Variants in ZCWPW2 observed in about 807,000 individuals in gnomAD.
The protein encoded by ZCWPW2 is zinc finger CW-type PWWP domain protein 2.
ZCWPW2 carries 45 observed loss-of-function variants against 46.6 expected under a neutral mutation model. The ratio of observed to expected loss-of-function variants is 0.96; its 90% CI spans 0.76 to 1.24. The LOEUF is 1.24. Among genes scored for constraint, ZCWPW2 ranks in the 50% most tolerant of loss-of-function variants. The pLI is 0.00. For synonymous variants in ZCWPW2, 152 were observed against 137.1 expected (o/e 1.11, Z -0.76); for missense variants, 429 against 403.9 (o/e 1.06, Z -0.53).
At chr3:28,466,155 G>A (rs1214727118) in intron 4 of ZCWPW2, among the ~76,000 whole-genome samples, 1 of 152,142 alleles carries the variant, frequency 6.6e-6, no homozygotes, top group African/African-American at 2.4e-5. Context: ...GATAGGAACA[G>A]TAGACACCAG....
intron 4 of ZCWPW2, among the ~76,000 whole-genome samples, chr3:28,477,786 TAATAA>T (rs1471878809): frequency 6.6e-6 from 1 of 152,142 alleles, no homozygotes; most frequent in African/African-American, 2.4e-5. Context: ...AATTATAGGT[TAATAA>T]AATAAATAGC....
At chr3:28,357,075 A>G (rs1242232846) in intron 1 of ZCWPW2, among the ~76,000 whole-genome samples, 1 of 96,558 alleles carries the variant, frequency 1.0e-5, no homozygotes, top group Non-Finnish European at 2.7e-5. Flanking sequence ...GCCTATAAAG[A>G]AAAAAAAATC....
At chr3:28,391,261 A>C (rs987026915) in intron 2 of ZCWPW2, among the ~76,000 whole-genome samples, 2 of 152,164 alleles carry the variant, frequency 1.3e-5, no homozygotes, top group Non-Finnish European at 2.9e-5. Flanking sequence ...ATGGTTAAAA[A>C]GAACATAGAA....
intron 8 of ZCWPW2, among the ~76,000 whole-genome samples, chr3:28,520,528 C>A (rs1700695412): frequency 6.6e-6 from 1 of 152,060 alleles, no homozygotes; most frequent in South Asian, 2.1e-4. Flanking sequence ...TGGAACATAG[C>A]CACTCTCATT....
chr3:28,512,750 A>G (rs183964538), intron 6 of ZCWPW2, among the ~76,000 whole-genome samples: 3 of 152,064 alleles, frequency 2.0e-5, no homozygotes, highest in Admixed American at 6.6e-5. Context: ...TTTAAATTCA[A>G]TGACTTGACT....
At chr3:28,512,006 A>G (rs186352251) in intron 6 of ZCWPW2, among the ~76,000 whole-genome samples, 30 of 152,266 alleles carry the variant, frequency 2.0e-4, no homozygotes, top group Non-Finnish European at 3.5e-4. Context: ...ACTCCTCAGT[A>G]TCAACAAACA....
chr3:28,487,079 A>G (rs1007591772), intron 5 of ZCWPW2, among the ~76,000 whole-genome samples: 1 of 151,786 alleles, frequency 6.6e-6, no homozygotes, highest in Non-Finnish European at 1.5e-5. Flanking sequence ...TTTGAATATG[A>G]TATGTAGATT....
At chr3:28,352,528 T>C (rs1704591243) in intron 1 of ZCWPW2, among the ~76,000 whole-genome samples, 2 of 152,186 alleles carry the variant, frequency 1.3e-5, no homozygotes, top group South Asian at 4.1e-4. Context: ...TAAATGACTG[T>C]GATGAATGAG....
chr3:28,494,807 A>G (rs1298105090), intron 6 of ZCWPW2, among the ~76,000 whole-genome samples: 9 of 139,370 alleles, frequency 6.5e-5, no homozygotes, highest in East Asian at 4.2e-4. Context: ...GAGCCAAATC[A>G]TGAGTGAACT....
At chr3:28,358,157 C>T (rs910920393) in intron 1 of ZCWPW2, among the ~76,000 whole-genome samples, 11 of 151,832 alleles carry the variant, frequency 7.2e-5, no homozygotes, top group South Asian at 6.2e-4. Context: ...CAATAGTTTT[C>T]GTTTAAAAAT....
At chr3:28,511,383 A>T (rs189267530) in intron 6 of ZCWPW2, among the ~76,000 whole-genome samples, 3,063 of 152,224 alleles carry the variant, frequency 0.02, 214 homozygotes, top group Admixed American at 0.14. Context: ...AATTTGAAAA[A>T]TTTTTTCAAA....
At chr3:28,358,450 A>G (rs556949859) in intron 1 of ZCWPW2, among the ~76,000 whole-genome samples, 1 of 152,288 alleles carries the variant, frequency 6.6e-6, no homozygotes, top group Non-Finnish European at 1.5e-5. Flanking sequence ...TATTATAAAA[A>G]TAATTGTCAA....
intron 4 of ZCWPW2, among the ~76,000 whole-genome samples, chr3:28,443,053 T>A (rs1171329480): frequency 1.3e-5 from 2 of 152,158 alleles, no homozygotes; most frequent in Non-Finnish European, 2.9e-5. Context: ...ATTCTGGCAC[T>A]GGGGAAATGA....
chr3:28,422,500 T>C (rs1291477400), intron 3 of ZCWPW2, among the ~76,000 whole-genome samples: 5 of 152,212 alleles, frequency 3.3e-5, no homozygotes, highest in Non-Finnish European at 5.9e-5. Context: ...CTATCTTTTA[T>C]TTAGTAATAT....
chr3:28,424,968 T>A (rs979966399), intron 3 of ZCWPW2, among the ~76,000 whole-genome samples: 1 of 152,188 alleles, frequency 6.6e-6, no homozygotes, highest in African/African-American at 2.4e-5. Flanking sequence ...CTAATTAACA[T>A]TTTGGAAGCA....
At chr3:28,473,070 C>A (rs1699097690) in intron 4 of ZCWPW2, among the ~76,000 whole-genome samples, 1 of 152,124 alleles carries the variant, frequency 6.6e-6, no homozygotes, top group Non-Finnish European at 1.5e-5. Flanking sequence ...ATCCAAAAGA[C>A]AGGCGATAAC....
chr3:28,358,752 A>C (rs1296325809), intron 1 of ZCWPW2, among the ~76,000 whole-genome samples: 1 of 152,122 alleles, frequency 6.6e-6, no homozygotes, highest in African/African-American at 2.4e-5. Flanking sequence ...CAAAACTAAG[A>C]ATCCTCTGAA....
intron 1 of ZCWPW2, among the ~76,000 whole-genome samples, chr3:28,373,354 T>C (rs1024864943): frequency 2.6e-5 from 4 of 152,216 alleles, no homozygotes; most frequent in Admixed American, 2.6e-4. Flanking sequence ...CCATTTTTAC[T>C]GGGGTGGGAT....
rs1700814793 is a variant in ZCWPW2, at chr3:28,525,005, TGTTC to T, written c.*318_*321del. 6.3e-6 allele frequency: 1 copy of T among 158,364 alleles called. No individual in the cohort carries two copies. The highest frequency in any genetic ancestry group is 1.4e-5 in the Non-Finnish European group (1 of 72,586). 9.8% of individuals were successfully genotyped at this position (158,364 alleles called of 1,614,324 possible). A position where few individuals can be genotyped will look rare whatever the true frequency, so the allele number is the denominator to read the frequency against. On this transcript the variant is annotated 3_prime_UTR_variant, in exon 10 of 10. Coordinates refer to ENST00000383768, the MANE Select transcript of ZCWPW2 (RefSeq NM_001040432.4). Reference sequence around the variant, plus strand: ...TTTTACAATGATTGTTTAGGCCCTTTGTTCAAAAATGGATAACTTAAAATGGCTG... The same window carrying T: ...TTTTACAATGATTGTTTAGGCCCTTTAAAAATGGATAACTTAAAATGGCTG...
Sources: gnomAD v4.1 joint callset for allele counts (sites outside exome capture counted in the v4.1 genomes callset) on GRCh38, gnomAD v4.1.1 for gene constraint, MANE v1.5 for transcripts, NCBI Gene and HGNC (gene_info 2026-07-23, HGNC 2026-07-21) for gene names.